CHEK2: variants seen among roughly 807,000 people sequenced by gnomAD.
CHEK2 encodes checkpoint kinase 2, also known as serine/threonine-protein kinase Chk2.
A neutral mutation model predicts 69.1 loss-of-function variants in CHEK2; 71 were observed. That is an observed-to-expected ratio of 1.03 (90% CI 0.85 to 1.25). The LOEUF is 1.25. Ranked by LOEUF, CHEK2 falls within the 50% of genes most tolerant of loss-of-function variation. CHEK2 has a pLI of 0.00. For synonymous variants in CHEK2, 189 were observed against 226.9 expected (o/e 0.83, Z 1.50); for missense variants, 664 against 649.6 (o/e 1.02, Z -0.24).
chr22:28,737,564 G>C (rs2054449320), intron 1 of CHEK2, among the ~76,000 whole-genome samples: 1 of 151,702 alleles, frequency 6.6e-6, no homozygotes, highest in Non-Finnish European at 1.5e-5. Flanking sequence ...CCACCTCCTG[G>C]GTTCAAGCAA....
chr22:28,729,184 C>A, intron 2 of CHEK2: 1 of 180,232 alleles, frequency 5.5e-6, no homozygotes, highest in Non-Finnish European at 1.2e-5. Context: ...TATAAAAATC[C>A]TCAACAAAAC....
chr22:28,706,736 T>A (rs1407082174), intron 7 of CHEK2, among the ~76,000 whole-genome samples: 1 of 152,080 alleles, frequency 6.6e-6, no homozygotes, highest in Non-Finnish European at 1.5e-5. Context: ...CTGGCCAACA[T>A]GGCAAAACCC....
At chr22:28,713,493 A>ATCCC (rs2053480311) in intron 5 of CHEK2, among the ~76,000 whole-genome samples, 2 of 150,064 alleles carry the variant, frequency 1.3e-5, no homozygotes, top group South Asian at 4.2e-4. Flanking sequence ...AGTAGCTGGG[A>ATCCC]CTACAGGTAC....
Position 28,729,540 on chromosome 22 carries a change from C to CAAAAAAAAAAAA in CHEK2, c.320-4185_320-4174dup, listed in dbSNP as rs58149342. Among the ~76,000 whole-genome samples, 102 of 83,066 alleles carry CAAAAAAAAAAAA rather than the reference C, an allele frequency of 1.2e-3. 1 individual carries two copies. Among genetic ancestry groups the CAAAAAAAAAAAA allele is most frequent in the African/African-American group, 3.8e-3 (71 of 18,886 alleles). 54.5% of individuals were successfully genotyped at this position (83,066 alleles called of 152,430 possible). On this transcript the variant is annotated intron_variant, in intron 2 of 14. Coordinates refer to ENST00000404276, the MANE Select transcript of CHEK2 (RefSeq NM_007194.4). ...CCTGGGCGACAGCGAGACTCCATCT[C>CAAAAAAAAAAAA]AAAAAAAAAAAAAAAAAAAAAAAAA...
chr22:28,688,226 G>C (rs1402216505), intron 14 of CHEK2, among the ~76,000 whole-genome samples: 3 of 152,134 alleles, frequency 2.0e-5, no homozygotes, highest in African/African-American at 7.2e-5. Context: ...GATGTATACT[G>C]AAAGCAAGTA....
Position 28,738,724 on chromosome 22 carries a change from G to A in CHEK2, c.-7+3045C>T, listed in dbSNP as rs1253982663. Among the ~76,000 whole-genome samples, 4 of 152,130 alleles carry A rather than the reference G, an allele frequency of 2.6e-5. No homozygotes were observed. The South Asian group carries it at 6.2e-4, about 24-fold the overall frequency. The stretch of plus-strand genomic sequence containing the variant: ...GGAAGTGCTCCAGGACACTCATCTT[G>A]GGCACAGGTTTTTTGGGCACAGGGT... On this transcript the variant is annotated intron_variant, in intron 1 of 14. Coordinates refer to ENST00000404276, the MANE Select transcript of CHEK2 (RefSeq NM_007194.4).
chr22:28,701,618 T>A (rs759157908), intron 8 of CHEK2, among the ~76,000 whole-genome samples: 3 of 152,182 alleles, frequency 2.0e-5, no homozygotes, highest in Non-Finnish European at 4.4e-5. Flanking sequence ...ACACTTAATA[T>A]TTATGCAGGA....
intron 2 of CHEK2, among the ~76,000 whole-genome samples, chr22:28,728,926 C>T (rs2054098935): frequency 1.3e-5 from 2 of 151,734 alleles, no homozygotes; most frequent in African/African-American, 4.8e-5. Context: ...TGCAGTGAAA[C>T]GTGATAGTGG....
At chr22:28,736,036 A>G (rs1017582858) in intron 1 of CHEK2, among the ~76,000 whole-genome samples, 5 of 152,162 alleles carry the variant, frequency 3.3e-5, no homozygotes, top group African/African-American at 1.2e-4. Flanking sequence ...ACAAAAAATA[A>G]TAACAATAAT....
intron 13 of CHEK2, among the ~76,000 whole-genome samples, chr22:28,689,641 T>C (rs2052274335): frequency 6.6e-6 from 1 of 152,116 alleles, no homozygotes. Context: ...CAGACTGTCC[T>C]AACAACCAGC....
rs1359031891 is a variant in CHEK2 at position 28,725,228 on chromosome 22, G to T, written c.444+15C>A. ...ATTACCAGCTCTCCTAGATACATGG[G>T]TATTCATTACCTACCCTGAAAATCC... On this transcript the variant is annotated intron_variant, in intron 3 of 14. Coordinates refer to ENST00000404276, the MANE Select transcript of CHEK2 (RefSeq NM_007194.4). 6.2e-7 allele frequency: 1 copy of T among 1,613,886 alleles called. No homozygotes were observed. Among genetic ancestry groups the T allele is most frequent in the Non-Finnish European group, 8.5e-7 (1 of 1,179,978 alleles).
chr22:28,698,960 C>G (rs546061175), intron 9 of CHEK2, among the ~76,000 whole-genome samples: 2 of 152,232 alleles, frequency 1.3e-5, no homozygotes, highest in East Asian at 3.9e-4. Flanking sequence ...ATGATCAAGA[C>G]CCCTCCAGAA....
chr22:28,689,584 G>A (rs577733399), intron 13 of CHEK2, among the ~76,000 whole-genome samples: 16 of 152,110 alleles, frequency 1.1e-4, no homozygotes, highest in South Asian at 2.1e-4. Context: ...AATCCTTCCC[G>A]GACCACTCTC....
At chr22:28,707,830 CT>C (rs11453597) in intron 7 of CHEK2, among the ~76,000 whole-genome samples, 1,855 of 102,380 alleles carry the variant, frequency 0.018, 18 homozygotes, top group African/African-American at 0.064. Context: ...TTGTGTTTAT[CT>C]TTTTTTTTTT....
At position 28,705,077 on chromosome 22, in the gene CHEK2, TC is replaced by T. The variant is rs2053062177; in HGVS notation, c.847-1512del. Among the ~76,000 whole-genome samples, 5 of 145,014 alleles carry T rather than the reference TC, an allele frequency of 3.4e-5. No homozygotes were observed. The South Asian group carries it at 1.1e-3, about 33-fold the overall frequency. ...AATCTGAATACTCCCAAAATCCAAATCTTTTTTTTTTTTTTTTTTGAGACGG... is the reference window on the plus strand; with the variant it reads ...AATCTGAATACTCCCAAAATCCAAATTTTTTTTTTTTTTTTTTTGAGACGG... On this transcript the variant is annotated intron_variant, in intron 7 of 14. Coordinates refer to ENST00000404276, the MANE Select transcript of CHEK2 (RefSeq NM_007194.4).
intron 7 of CHEK2, among the ~76,000 whole-genome samples, chr22:28,709,299 G>T (rs2053298672): frequency 6.6e-6 from 1 of 152,018 alleles, no homozygotes; most frequent in Non-Finnish European, 1.5e-5. Flanking sequence ...GATTTATTTG[G>T]ATTACTCCAA....
chr22:28,699,086 C>T (rs1467359700), intron 9 of CHEK2, among the ~76,000 whole-genome samples: 1 of 152,158 alleles, frequency 6.6e-6, no homozygotes, highest in Non-Finnish European at 1.5e-5. Flanking sequence ...CTCACTGTAG[C>T]CTCAACCTCC....
At chr22:28,737,399 A>G in intron 1 of CHEK2, 1 of 397,228 alleles carries the variant, frequency 2.5e-6, no homozygotes, top group South Asian at 2.0e-5. Context: ...CTTTGGGGCC[A>G]TTATTAAATA....
intron 7 of CHEK2, among the ~76,000 whole-genome samples, chr22:28,708,375 G>GTGTC (rs927539540): frequency 5.3e-5 from 8 of 150,716 alleles, no homozygotes; most frequent in African/African-American, 1.2e-4. Flanking sequence ...GTGTGTGTGT[G>GTGTC]TGTGTGTGTG....
Sources: allele counts gnomAD v4.1 joint callset (sites outside exome capture counted in the v4.1 genomes callset), GRCh38; gene constraint gnomAD v4.1.1; transcripts MANE v1.5; gene names NCBI Gene and HGNC (gene_info 2026-07-23, HGNC 2026-07-21).